Variants in SLC23A1 observed in about 807,000 individuals in gnomAD.
SLC23A1 encodes the protein Na(+)/L-ascorbic acid transporter 1.
In SLC23A1, 31 loss-of-function variants were observed where a neutral mutation model predicts 62.5. The ratio of observed to expected loss-of-function variants is 0.50; its 90% confidence interval spans 0.37 to 0.67. The LOEUF (loss-of-function observed/expected upper bound fraction) is 0.67. Ranked by LOEUF, SLC23A1 falls within the 30% of genes least tolerant of loss-of-function variation. SLC23A1 has a pLI of 0.00. For missense variants in SLC23A1, 640 were observed against 782.7 expected, an observed-to-expected ratio of 0.82 and a Z score of 2.18; for synonymous variants, 271 against 313.2, an observed-to-expected ratio of 0.87 and a Z score of 1.42.
rs770835028 is a variant in SLC23A1, at chr5:139,379,646, G to A, written c.925+32C>T. 32 of 1,579,446 alleles carry A rather than the reference G, an allele frequency of 2.0e-5. No homozygotes were observed. The highest frequency in any genetic ancestry group is 2.7e-5 in the African/African-American group (2 of 74,240). Reference sequence around the variant, plus strand: ...GTCTGTCTCATAGGTGGTCTCAGTTGGGGGCAGAGGGGCCCAAGGGGTGTT... The same window carrying A: ...GTCTGTCTCATAGGTGGTCTCAGTTAGGGGCAGAGGGGCCCAAGGGGTGTT... On this transcript the variant is annotated intron_variant, in intron 8 of 14. Transcript: ENST00000348729. This position sits in a 1 kb window ranked among gnomAD's most constrained non-coding sequence, Gnocchi z 4.7.
chr5:139,377,120 G>GAA (rs943428581), intron 13 of SLC23A1, among the ~76,000 whole-genome samples: 1 of 144,824 alleles, frequency 6.9e-6, no homozygotes, highest in Non-Finnish European at 1.5e-5. Flanking sequence ...CTCCATCTCG[G>GAA]AAAAAAAAAA....
rs911031365 is a variant in SLC23A1 at position 139,377,539 on chromosome 5, C to G, written c.1454-42G>C. Reference sequence around the variant, plus strand: ...GGGCCAATGGGTGTCATGGCCCAATCTGGAGAGCAGAGTTGAGGGACTTCC... The same window carrying G: ...GGGCCAATGGGTGTCATGGCCCAATGTGGAGAGCAGAGTTGAGGGACTTCC... On this transcript the variant is annotated intron_variant, in intron 12 of 14. Transcript: ENST00000348729. 4 of 1,067,952 alleles carry G rather than the reference C, an allele frequency of 3.7e-6. No individual in the cohort carries two copies. The African/African-American group carries it at 4.7e-5, about 12-fold the overall frequency. The allele number at this position is 1,067,952 out of a possible 1,614,324, so 66.2% of individuals were successfully genotyped here.
chr5:139,368,949 T>C, intron 14 of SLC23A1: 1 of 574,010 alleles, frequency 1.7e-6, no homozygotes, highest in Non-Finnish European at 3.1e-6. Context: ...ATAAAAGTGC[T>C]GAGACTGTTA....
chr5:139,377,021 C>T (rs1296149892), intron 13 of SLC23A1, among the ~76,000 whole-genome samples: 1 of 151,896 alleles, frequency 6.6e-6, no homozygotes, highest in East Asian at 1.9e-4. Flanking sequence ...ACTCAGGAGA[C>T]AGGAGAATCA....
At chr5:139,368,304 C>T (rs1243905395) in intron 14 of SLC23A1, among the ~76,000 whole-genome samples, 3 of 151,872 alleles carry the variant, frequency 2.0e-5, no homozygotes, top group African/African-American at 2.4e-5. Context: ...CGCGCCACTG[C>T]ACTGCAGCCT....
At chr5:139,374,839 C>A (rs1443142317) in intron 13 of SLC23A1, among the ~76,000 whole-genome samples, 1 of 152,170 alleles carries the variant, frequency 6.6e-6, no homozygotes, top group Non-Finnish European at 1.5e-5. Context: ...AGATGCTCTC[C>A]ATCTCCTCAT....
At chr5:139,380,136 G>A (rs750301184) in intron 6 of SLC23A1, 60 bp from the exon 7 acceptor site, 26 of 1,570,028 alleles carry the variant, frequency 1.7e-5, no homozygotes, top group Non-Finnish European at 2.2e-5. Context: ...CAGGAGCCGG[G>A]AAGAAGGACC....
intron 13 of SLC23A1, among the ~76,000 whole-genome samples, chr5:139,374,308 C>T (rs539901370): frequency 7.9e-4 from 120 of 152,232 alleles, no homozygotes; most frequent in African/African-American, 2.8e-3. Context: ...ATTAGCCAGG[C>T]GTGGTGGCGG....
At chr5:139,381,749 G>A (rs1264968618) in intron 3 of SLC23A1, 143 bp downstream of exon 3, 6 of 673,804 alleles carry the variant, frequency 8.9e-6, no homozygotes, top group Admixed American at 2.5e-5. Context: ...CAGCTCTAAG[G>A]CTGGCCTGGG....
At chr5:139,371,075 C>CT (rs1198664471) in intron 14 of SLC23A1, among the ~76,000 whole-genome samples, 2 of 151,864 alleles carry the variant, frequency 1.3e-5, no homozygotes, top group Non-Finnish European at 2.9e-5. Flanking sequence ...GAGCAAGACT[C>CT]TGTCTCAAAA....
upstream of SLC23A1, chr5:139,384,723 A>T: frequency 1.0e-6 from 1 of 985,356 alleles, no homozygotes; most frequent in Non-Finnish European, 1.2e-6. Flanking sequence ...ACGGTCCCAG[A>T]TCCACAGTAG....
intron 13 of SLC23A1, among the ~76,000 whole-genome samples, chr5:139,374,966 A>G (rs559067292): frequency 3.0e-4 from 45 of 152,184 alleles, no homozygotes; most frequent in Non-Finnish European, 6.2e-4. Context: ...ATAGCCACCC[A>G]TCCATCGAAG....
chr5:139,382,884 C>T (rs1308590051), intron 1 of SLC23A1, among the ~76,000 whole-genome samples: 1 of 152,198 alleles, frequency 6.6e-6, no homozygotes, highest in African/African-American at 2.4e-5. Context: ...AGTCAGAAGT[C>T]TTGGAGACCA....
chr5:139,371,259 G>T (rs747271196), intron 14 of SLC23A1, among the ~76,000 whole-genome samples: 25 of 152,200 alleles, frequency 1.6e-4, no homozygotes, highest in Non-Finnish European at 3.1e-4. Flanking sequence ...AGAAAGTCCT[G>T]TTTTAAGTGT....
At chr5:139,377,263 C>T (rs1429787287) in intron 13 of SLC23A1, 139 bp downstream of exon 13, 4 of 646,140 alleles carry the variant, frequency 6.2e-6, no homozygotes, top group Non-Finnish European at 1.1e-5. Context: ...GAGCACTCCA[C>T]CAGCCCATCT....
chr5:139,383,753 T>A (rs1326465034), upstream of SLC23A1, among the ~76,000 whole-genome samples: 1 of 152,258 alleles, frequency 6.6e-6, no homozygotes, highest in African/African-American at 2.4e-5. Flanking sequence ...GTAACCCCTG[T>A]GCTGGGCGGT....
At chr5:139,380,968 G>A in intron 3 of SLC23A1, 82 bp from the exon 4 acceptor site, 1 of 713,232 alleles carries the variant, frequency 1.4e-6, no homozygotes, top group Non-Finnish European at 2.4e-6. Flanking sequence ...GATCAGGAAG[G>A]GAGAGCACAG....
chr5:139,368,661 A>G, intron 14 of SLC23A1: 1 of 998,644 alleles, frequency 1.0e-6, no homozygotes, highest in Non-Finnish European at 1.6e-6. Flanking sequence ...ATGTTTTTGC[A>G]TGAGGATCTA....
chr5:139,376,754 A>G (rs1034438485), intron 13 of SLC23A1, among the ~76,000 whole-genome samples: 1 of 152,216 alleles, frequency 6.6e-6, no homozygotes, highest in Non-Finnish European at 1.5e-5. Flanking sequence ...GATTTTGCCA[A>G]CAAACTGATG....
Sources: allele counts gnomAD v4.1 joint callset (sites outside exome capture counted in the v4.1 genomes callset), GRCh38; gene constraint gnomAD v4.1.1; non-coding constraint Gnocchi (gnomAD v3.1); transcripts MANE v1.5; gene names NCBI Gene and HGNC (gene_info 2026-07-23, HGNC 2026-07-21).